MTR: variants seen among roughly 807,000 people sequenced by gnomAD.
The protein encoded by MTR is methionine synthase.
MTR carries 84 observed loss-of-function variants against 154.8 expected under a neutral mutation model. The ratio of observed to expected loss-of-function variants is 0.54; its 90% CI spans 0.45 to 0.65. The LOEUF is 0.65. Among genes scored for constraint, MTR ranks in the 30% least tolerant of loss-of-function variants. The pLI, the probability that MTR is intolerant of heterozygous loss-of-function variation, is 0.00. For missense variants in MTR, 1,275 were observed against 1,570.2 expected (o/e 0.81, Z 3.18); for synonymous variants, 554 against 553.9 (o/e 1.00, Z 0.00).
intron 18 of MTR, among the ~76,000 whole-genome samples, chr1:236,856,062 T>C (rs1434118357): frequency 2.6e-5 from 4 of 152,328 alleles, no homozygotes; most frequent in Middle Eastern, 3.4e-3. Context: ...CCTCCAACAC[T>C]TCAGTGAATT....
intron 4 of MTR, among the ~76,000 whole-genome samples, chr1:236,809,551 TGG>T (rs1661183520): frequency 6.6e-6 from 1 of 152,202 alleles, no homozygotes; most frequent in African/African-American, 2.4e-5. Context: ...TTTAAATTCA[TGG>T]AAATGCATAG....
At position 236,849,774 on chromosome 1, in the gene MTR, T is replaced by C. The variant is rs16834466; in HGVS notation, c.1516-570T>C. On this transcript the variant is annotated intron_variant, in intron 15 of 32. Transcript: ENST00000366577. The stretch of plus-strand genomic sequence containing the variant: ...GAAGGTAAAGACTAATTTGTATTTA[T>C]GACTTAAGACACATGTTAGGCCAGT... 4.0e-3 allele frequency among the ~76,000 whole-genome samples: 613 copies of C among 152,308 alleles called. 4 individuals are homozygous for C. The highest frequency in any genetic ancestry group is 0.014 in the African/African-American group (594 of 41,548).
rs932703900 is a variant in MTR, at chr1:236,800,600, T to C, written c.35-2828T>C. On this transcript the variant is annotated intron_variant, in intron 1 of 32. Transcript: ENST00000366577. ...GAAGACATTTCCCAACCTGCAAATATGCCATTCCTGCCCCAACATGACCAA... is the reference window on the plus strand; with the variant it reads ...GAAGACATTTCCCAACCTGCAAATACGCCATTCCTGCCCCAACATGACCAA... 60 of 574,694 alleles carry C rather than the reference T, an allele frequency of 1.0e-4. No individual in the cohort carries two copies. In the African/African-American group the frequency reaches 1.1e-3, roughly 10 times the overall value. 35.6% of individuals were successfully genotyped at this position (574,694 alleles called of 1,614,324 possible).
intron 9 of MTR, among the ~76,000 whole-genome samples, 174 bp downstream of exon 9, chr1:236,824,393 C>A (rs186271740): frequency 6.6e-6 from 1 of 152,082 alleles, no homozygotes; most frequent in African/African-American, 2.4e-5. Context: ...GAGGGAAGTT[C>A]GGCTCACCCT....
intron 5 of MTR, among the ~76,000 whole-genome samples, chr1:236,810,818 G>T (rs556298904): frequency 2.0e-5 from 3 of 152,272 alleles, no homozygotes; most frequent in African/African-American, 7.2e-5. Context: ...AAATATATAT[G>T]GTGGTGTGTT....
At position 236,850,372 on chromosome 1, in the gene MTR, T is replaced by C. The variant is rs1663828645; in HGVS notation, c.1544T>C (p.Val515Ala). ...ACAGAAACAGACACAAAAATCAGAG[T>C]GTGCACCCGGGCCTACCATCTGCTT... ...QATETDTKIR[V>A]CTRAYHLLVK... The change falls in exon 16 of 33, where the codon GTG becomes GCG. Residue 515 changes from valine (V) to alanine (A), a missense_variant. By Grantham distance (64) the Val-to-Ala change is moderately conservative. Coordinates refer to ENST00000366577, the MANE Select transcript of MTR (RefSeq NM_000254.3). 1.2e-6 allele frequency: 2 copies of C among 1,613,282 alleles called. No individual in the cohort carries two copies. The highest frequency in any genetic ancestry group is 1.1e-5 in the South Asian group (1 of 91,014).
At chr1:236,826,563 T>C (rs1461389652) in intron 10 of MTR, among the ~76,000 whole-genome samples, 2 of 152,222 alleles carry the variant, frequency 1.3e-5, no homozygotes, top group East Asian at 3.8e-4. Flanking sequence ...CCCAAAGTGC[T>C]GAGATTATAG....
At chr1:236,837,086 AC>A (rs1252380868) in intron 14 of MTR, among the ~76,000 whole-genome samples, 1 of 152,152 alleles carries the variant, frequency 6.6e-6, no homozygotes, top group Admixed American at 6.5e-5. Flanking sequence ...CCAAATTTCT[AC>A]CCAGGTGGTA....
In MTR at chr1:236,824,188, A is replaced by C. The variant is rs1283883645; in HGVS notation, c.834A>C (p.Thr278=). Residue 278 remains threonine (T), a synonymous_variant, in exon 9 of 33, where the codon ACA becomes ACC. Transcript: ENST00000366577. The stretch of plus-strand genomic sequence containing the variant: ...TTATTGAAATAATTGGAAAATGTAC[A>C]ACAGCCTATGTCCTCTGTTATCCCA... ...RPFIEIIGKC[T]TAYVLCYPNA... 6.2e-7 allele frequency: 1 copy of C among 1,614,004 alleles called. No homozygotes were observed. Among genetic ancestry groups the C allele is most frequent in the Non-Finnish European group, 8.5e-7 (1 of 1,179,982 alleles).
chr1:236,825,678 C>T (rs1662248718), intron 10 of MTR, among the ~76,000 whole-genome samples: 1 of 152,182 alleles, frequency 6.6e-6, no homozygotes, highest in African/African-American at 2.4e-5. Context: ...GCTTCCCCTG[C>T]AGCCTTCCCA....
intron 27 of MTR, among the ~76,000 whole-genome samples, 188 bp from the exon 28 acceptor site, chr1:236,888,993 T>C (rs1462845179): frequency 6.6e-6 from 1 of 152,206 alleles, no homozygotes; most frequent in African/African-American, 2.4e-5. Context: ...TAGTTTTATT[T>C]AAGACTCAGT....
intron 12 of MTR, among the ~76,000 whole-genome samples, chr1:236,830,671 T>A (rs1662559676): frequency 6.6e-6 from 1 of 152,162 alleles, no homozygotes; most frequent in African/African-American, 2.4e-5. Flanking sequence ...CACAGAAATG[T>A]CAGCATTGAA....
intron 18 of MTR, among the ~76,000 whole-genome samples, chr1:236,854,910 G>GT (rs1185117750): frequency 6.6e-6 from 1 of 152,214 alleles, no homozygotes; most frequent in Non-Finnish European, 1.5e-5. Context: ...AATTGCAGGA[G>GT]TTTAACAATT....
chr1:236,823,019 G>A (rs1662059371), intron 8 of MTR, among the ~76,000 whole-genome samples: 2 of 151,980 alleles, frequency 1.3e-5, no homozygotes, highest in Non-Finnish European at 2.9e-5. Flanking sequence ...TTCCTAGTTT[G>A]CTGAATTTTT....
At chr1:236,798,496 A>C (rs1660527876) in intron 1 of MTR, among the ~76,000 whole-genome samples, 3 of 152,148 alleles carry the variant, frequency 2.0e-5, no homozygotes, top group African/African-American at 7.2e-5. Context: ...CACGGAAAAA[A>C]ACCCCACAAA....
At chr1:236,835,421 C>T (rs1422258173) in intron 13 of MTR, 126 bp from the exon 14 acceptor site, 1 of 1,166,796 alleles carries the variant, frequency 8.6e-7, no homozygotes, top group South Asian at 1.3e-5. Context: ...GGCCCGGAGT[C>T]AGGGAGTCTG....
intron 30 of MTR, chr1:236,895,128 A>C: frequency 1.7e-6 from 1 of 587,418 alleles, no homozygotes; most frequent in Non-Finnish European, 3.1e-6. Context: ...TAGGTCATTA[A>C]GTATGGTCCT....
chr1:236,818,206 C>T (rs1159890751), intron 8 of MTR, among the ~76,000 whole-genome samples: 1 of 152,124 alleles, frequency 6.6e-6, no homozygotes, highest in Non-Finnish European at 1.5e-5. Context: ...TATACAAAAC[C>T]AAGAATGAAC....
At chr1:236,822,930 A>C (rs575504143) in intron 8 of MTR, among the ~76,000 whole-genome samples, 1 of 152,260 alleles carries the variant, frequency 6.6e-6, no homozygotes, top group East Asian at 1.9e-4. Context: ...TAAAGCATCT[A>C]GTTTCACATG....
Sources: gnomAD v4.1 joint callset for allele counts (sites outside exome capture counted in the v4.1 genomes callset) on GRCh38, gnomAD v4.1.1 for gene constraint, MANE v1.5 for transcripts, NCBI Gene and HGNC (gene_info 2026-07-23, HGNC 2026-07-21) for gene names.